The following ESRRG variants were observed in gnomAD, a reference collection of about 807,000 sequenced individuals.
The protein encoded by ESRRG is estrogen-related receptor gamma.
A neutral mutation model predicts 44.0 loss-of-function variants in ESRRG; 13 were observed. The ratio of observed to expected loss-of-function variants is 0.30; its 90% CI spans 0.19 to 0.47. ESRRG has a LOEUF of 0.47. ESRRG is among the 20% of genes least tolerant of loss of function. The pLI is 1.00. For synonymous variants in ESRRG, 215 were observed against 214.6 expected (o/e 1.00, Z -0.02); for missense variants, 395 against 580.6 (o/e 0.68, Z 3.29).
At chr1:216,535,311 G>GTA (rs2050604936) in intron 5 of ESRRG, among the ~76,000 whole-genome samples, 1 of 151,982 alleles carries the variant, frequency 6.6e-6, no homozygotes, top group Non-Finnish European at 1.5e-5. Context: ...CTGGTCTATG[G>GTA]TATGCTCCAG....
intron 1 of ESRRG, among the ~76,000 whole-genome samples, chr1:217,132,678 C>T (rs922300875): frequency 7.2e-5 from 11 of 152,042 alleles, no homozygotes; most frequent in Non-Finnish European, 1.5e-4. Flanking sequence ...CACAGGTACC[C>T]ACTTCTGTCC....
At chr1:216,717,399 G>A (rs1486517875) in intron 1 of ESRRG, among the ~76,000 whole-genome samples, 1 of 151,786 alleles carries the variant, frequency 6.6e-6, no homozygotes, top group Admixed American at 6.6e-5. Context: ...GACTAAAAAT[G>A]AACTTGAAAC....
At chr1:216,962,500 G>A (rs2069309854) in intron 1 of ESRRG, among the ~76,000 whole-genome samples, 1 of 152,096 alleles carries the variant, frequency 6.6e-6, no homozygotes, top group African/African-American at 2.4e-5. Context: ...AATTTAATCT[G>A]TAAAGTCCTG....
At chr1:217,103,440 G>A (rs1331072313) in intron 1 of ESRRG, among the ~76,000 whole-genome samples, 1 of 150,466 alleles carries the variant, frequency 6.6e-6, no homozygotes, top group Non-Finnish European at 1.5e-5. Context: ...GAGGTCAGGG[G>A]TTTGAGACCA....
intron 2 of ESRRG, among the ~76,000 whole-genome samples, chr1:216,847,601 G>A (rs895185599): frequency 1.3e-5 from 2 of 152,038 alleles, no homozygotes; most frequent in Admixed American, 1.3e-4. Flanking sequence ...AGTCATTTTA[G>A]TCCAGGCTCC....
At chr1:216,785,733 A>T (rs561064060) in intron 2 of ESRRG, among the ~76,000 whole-genome samples, 54 of 152,250 alleles carry the variant, frequency 3.5e-4, no homozygotes, top group African/African-American at 1.2e-3. Flanking sequence ...AATTTTTAGC[A>T]AGTCATTAAC....
intron 1 of ESRRG, among the ~76,000 whole-genome samples, chr1:217,073,714 G>A (rs190948406): frequency 1.4e-3 from 208 of 151,948 alleles, no homozygotes; most frequent in African/African-American, 4.7e-3. Context: ...AGAGCTGGAA[G>A]GGAGGAAGGA....
intron 1 of ESRRG, among the ~76,000 whole-genome samples, chr1:216,683,566 TG>T (rs1404565391): frequency 6.6e-6 from 1 of 152,186 alleles, no homozygotes; most frequent in Non-Finnish European, 1.5e-5. Flanking sequence ...CTATGTAATG[TG>T]GGGACATAGA....
chr1:216,983,674 G>A (rs143579770), intron 1 of ESRRG, among the ~76,000 whole-genome samples: 7 of 109,266 alleles, frequency 6.4e-5, no homozygotes, highest in East Asian at 2.8e-4. Flanking sequence ...AATCCCTTTC[G>A]CGTGCATGTG....
intron 2 of ESRRG, among the ~76,000 whole-genome samples, chr1:216,825,113 G>A (rs1311870359): frequency 6.6e-6 from 1 of 152,096 alleles, no homozygotes; most frequent in African/African-American, 2.4e-5. Context: ...CATCATTTCA[G>A]TAATGGTGAG....
chr1:216,851,321 T>G (rs11117704), intron 2 of ESRRG, among the ~76,000 whole-genome samples: 1 of 152,238 alleles, frequency 6.6e-6, no homozygotes, highest in Admixed American at 6.5e-5. Flanking sequence ...TTTCGGCATC[T>G]AAGTTACTTT....
At chr1:216,980,672 C>A (rs1253351650) in intron 1 of ESRRG, among the ~76,000 whole-genome samples, 1 of 152,140 alleles carries the variant, frequency 6.6e-6, no homozygotes, top group African/African-American at 2.4e-5. Context: ...GTTTCTGTAA[C>A]CTCAAGCTGA....
At chr1:216,829,745 G>C (rs1363520905) in intron 2 of ESRRG, among the ~76,000 whole-genome samples, 1 of 151,896 alleles carries the variant, frequency 6.6e-6, no homozygotes, top group Non-Finnish European at 1.5e-5. Context: ...GTAGAGATGG[G>C]GTTTCACCAT....
chr1:216,921,522 G>A (rs532251685), intron 2 of ESRRG, among the ~76,000 whole-genome samples: 44 of 152,112 alleles, frequency 2.9e-4, no homozygotes, highest in East Asian at 5.8e-4. Context: ...ACCCTCCTAC[G>A]GCACTCTGGT....
intron 6 of ESRRG, among the ~76,000 whole-genome samples, chr1:216,515,233 T>A (rs1451600674): frequency 2.0e-5 from 3 of 151,924 alleles, no homozygotes; most frequent in Non-Finnish European, 4.4e-5. Context: ...ATATATAATA[T>A]AATATATATA....
intron 1 of ESRRG, among the ~76,000 whole-genome samples, chr1:217,052,004 C>G (rs2086144662): frequency 6.6e-6 from 1 of 152,096 alleles, no homozygotes; most frequent in Non-Finnish European, 1.5e-5. Flanking sequence ...CTCCTGGGCT[C>G]AAGCAATCCT....
At chr1:216,986,158 T>C (rs938778836) in intron 1 of ESRRG, among the ~76,000 whole-genome samples, 1 of 152,184 alleles carries the variant, frequency 6.6e-6, no homozygotes, top group Non-Finnish European at 1.5e-5. Context: ...GACCCAGGAA[T>C]GATCCCAGAC....
chr1:217,060,117 A>G (rs1285806821), intron 1 of ESRRG, among the ~76,000 whole-genome samples: 5 of 152,028 alleles, frequency 3.3e-5, no homozygotes, highest in Non-Finnish European at 7.4e-5. Flanking sequence ...TATAATATGC[A>G]TATATATGTA....
At chr1:216,695,919 T>C (rs985460608) in intron 1 of ESRRG, among the ~76,000 whole-genome samples, 3 of 152,160 alleles carry the variant, frequency 2.0e-5, no homozygotes, top group African/African-American at 7.2e-5. Flanking sequence ...TCTGGGAAAG[T>C]TACTGTTAGG....
Sources: gnomAD v4.1 joint callset for allele counts (sites outside exome capture counted in the v4.1 genomes callset) on GRCh38, gnomAD v4.1.1 for gene constraint, MANE v1.5 for transcripts, NCBI Gene and HGNC (gene_info 2026-07-23, HGNC 2026-07-21) for gene names.